Variants in FOXN3 observed in about 807,000 individuals in gnomAD.
FOXN3 encodes the protein forkhead box protein N3.
Under a neutral mutation model 38.4 loss-of-function variants are expected in FOXN3, and 7 were observed. The ratio of observed to expected loss-of-function variants is 0.18; its 90% confidence interval spans 0.10 to 0.34. The LOEUF (loss-of-function observed/expected upper bound fraction) is 0.34, where lower values mean the gene tolerates loss of function less well. Ranked by LOEUF, FOXN3 falls within the 10% of genes least tolerant of loss-of-function variation. FOXN3 has a pLI of 1.00. For missense variants in FOXN3, 456 were observed against 613.4 expected, an observed-to-expected ratio of 0.74 and a Z score of 2.71; for synonymous variants, 230 against 242.2, an observed-to-expected ratio of 0.95 and a Z score of 0.47.
At chr14:89,356,711 C>T (rs1889242513) in intron 2 of FOXN3, 1 of 152,164 alleles carries the variant, frequency 6.6e-6, no homozygotes, top group African/African-American at 2.4e-5. Flanking sequence ...TTCATTCATT[C>T]ATTCCTGTGG....
chr14:89,363,796 A>C (rs1413036150), intron 2 of FOXN3, among the ~76,000 whole-genome samples: 2 of 151,734 alleles, frequency 1.3e-5, no homozygotes, highest in Non-Finnish European at 2.9e-5. Context: ...GTAAGGAAGG[A>C]AGGCCAGGTG....
intron 3 of FOXN3, among the ~76,000 whole-genome samples, chr14:89,318,060 T>C (rs1002396432): frequency 2.0e-5 from 3 of 151,880 alleles, no homozygotes; most frequent in South Asian, 2.1e-4. Flanking sequence ...TATTAGGGCA[T>C]CTTATATCCC....
chr14:89,308,571 AAC>A (rs1887444679), intron 3 of FOXN3, among the ~76,000 whole-genome samples: 1 of 152,172 alleles, frequency 6.6e-6, no homozygotes, highest in African/African-American at 2.4e-5. Flanking sequence ...CTGTCCTTAT[AAC>A]GCCTGAACCC....
At chr14:89,354,655 A>C (rs1488565053) in intron 2 of FOXN3, among the ~76,000 whole-genome samples, 2 of 151,458 alleles carry the variant, frequency 1.3e-5, no homozygotes, top group Non-Finnish European at 2.9e-5. Flanking sequence ...AGGAGTTCGA[A>C]ACCAGCCTGA....
chr14:89,590,041 G>A (rs1452006071), intron 1 of FOXN3, among the ~76,000 whole-genome samples: 2 of 152,164 alleles, frequency 1.3e-5, no homozygotes, highest in African/African-American at 2.4e-5. Flanking sequence ...CATCTAAGCA[G>A]CCGAAAGGAG....
At position 89,406,649 on chromosome 14, in the gene FOXN3, A is replaced by G. The variant is rs147688974; in HGVS notation, c.543+5285T>C. 7.1e-3 allele frequency among the ~76,000 whole-genome samples: 1,079 copies of G among 152,330 alleles called. 14 individuals are homozygous for G. The highest frequency in any genetic ancestry group is 8.9e-3 in the Non-Finnish European group (604 of 68,034). On this transcript the variant is annotated intron_variant, in intron 2 of 5. Transcript: ENST00000557258. ...TGGAAAGCACAAAGCAAGCATGCCTATATTTATAAGCTAAAATTGTATTTA... is the reference window on the plus strand; with the variant it reads ...TGGAAAGCACAAAGCAAGCATGCCTGTATTTATAAGCTAAAATTGTATTTA...
At chr14:89,268,081 T>C (rs577159413) in intron 4 of FOXN3, among the ~76,000 whole-genome samples, 19 of 152,210 alleles carry the variant, frequency 1.2e-4, no homozygotes, top group African/African-American at 4.6e-4. Flanking sequence ...TACACACACA[T>C]ACAGCTACAC....
chr14:89,269,534 T>C (rs1268079297), intron 4 of FOXN3, among the ~76,000 whole-genome samples: 1 of 151,826 alleles, frequency 6.6e-6, no homozygotes, highest in African/African-American at 2.4e-5. Flanking sequence ...CACTGAATGC[T>C]GGAACTTGAC....
chr14:89,421,528 A>AGATTT (rs56659540), upstream of FOXN3, among the ~76,000 whole-genome samples: 258 of 144,776 alleles, frequency 1.8e-3, 6 homozygotes, highest in East Asian at 0.013. Context: ...ACCCAGGGAA[A>AGATTT]TTTTTTTTTT....
intron 1 of FOXN3, among the ~76,000 whole-genome samples, chr14:89,473,968 C>A (rs1415701438): frequency 6.6e-6 from 1 of 152,044 alleles, no homozygotes; most frequent in Admixed American, 6.5e-5. Flanking sequence ...TTTTCCATAG[C>A]AAAATACATC....
intron 3 of FOXN3, among the ~76,000 whole-genome samples, chr14:89,345,012 C>A (rs1396139173): frequency 6.6e-6 from 1 of 152,090 alleles, no homozygotes; most frequent in Non-Finnish European, 1.5e-5. Context: ...AGGCCCCACG[C>A]CAGAGTCTCC....
intron 5 of FOXN3, among the ~76,000 whole-genome samples, chr14:89,166,107 C>CT (rs1407652557): frequency 1.3e-5 from 2 of 152,072 alleles, no homozygotes; most frequent in Non-Finnish European, 2.9e-5. Flanking sequence ...TTTTCTTTCC[C>CT]TTTTTTCCTA....
intron 1 of FOXN3, among the ~76,000 whole-genome samples, chr14:89,592,610 T>C (rs1895980616): frequency 1.3e-5 from 2 of 152,216 alleles, no homozygotes; most frequent in Admixed American, 6.5e-5. Flanking sequence ...GGAAAACTTA[T>C]TTTCAACCTA....
intron 1 of FOXN3, among the ~76,000 whole-genome samples, chr14:89,609,066 G>A (rs1318845061): frequency 6.6e-6 from 1 of 152,184 alleles, no homozygotes; most frequent in Non-Finnish European, 1.5e-5. Flanking sequence ...AAGGACCACA[G>A]CGAGTTCAGG....
intron 1 of FOXN3, among the ~76,000 whole-genome samples, chr14:89,485,319 G>A (rs2139766155): frequency 6.6e-6 from 1 of 152,102 alleles, no homozygotes; most frequent in Middle Eastern, 3.4e-3. Flanking sequence ...CCTCCCCCTT[G>A]AGACCCTCCC....
intron 1 of FOXN3, among the ~76,000 whole-genome samples, chr14:89,463,774 GTCTC>G (rs1170094701): frequency 5.0e-5 from 7 of 140,344 alleles, no homozygotes; most frequent in South Asian, 2.4e-4. Flanking sequence ...AGGGGTAGTG[GTCTC>G]TCTCTCTTTT....
chr14:89,191,135 C>T (rs561792389), intron 4 of FOXN3, among the ~76,000 whole-genome samples: 2 of 152,212 alleles, frequency 1.3e-5, no homozygotes, highest in African/African-American at 4.8e-5. Context: ...TTTCTGAATC[C>T]TTACTGATCC....
intron 1 of FOXN3, among the ~76,000 whole-genome samples, chr14:89,551,227 A>C (rs1410542808): frequency 6.6e-6 from 1 of 152,200 alleles, no homozygotes; most frequent in South Asian, 2.1e-4. Flanking sequence ...GAGGTGGAGG[A>C]CAACATCCTT....
chr14:89,319,084 G>A (rs1887825637), intron 3 of FOXN3, among the ~76,000 whole-genome samples: 1 of 152,172 alleles, frequency 6.6e-6, no homozygotes, highest in Admixed American at 6.5e-5. Flanking sequence ...TGAGTCAAGG[G>A]AAGAATCAAA....
Sources: gnomAD v4.1 joint callset for allele counts (sites outside exome capture counted in the v4.1 genomes callset) on GRCh38, gnomAD v4.1.1 for gene constraint, MANE v1.5 for transcripts, NCBI Gene and HGNC (gene_info 2026-07-23, HGNC 2026-07-21) for gene names.